DNM2: variants seen among roughly 807,000 people sequenced by gnomAD.
DNM2 encodes dynamin 2.
A neutral mutation model predicts 99.0 loss-of-function variants in DNM2; 15 were observed. The ratio of observed to expected loss-of-function variants is 0.15; its 90% CI spans 0.10 to 0.23. The LOEUF (loss-of-function observed/expected upper bound fraction) is 0.23, where lower values mean the gene tolerates loss of function less well. DNM2 is among the 10% of genes least tolerant of loss of function. The pLI is 1.00. For missense variants in DNM2, 742 were observed against 1,189.4 expected, an observed-to-expected ratio of 0.62 and a Z score of 5.53; for synonymous variants, 525 against 481.2, an observed-to-expected ratio of 1.09 and a Z score of -1.19.
intron 7 of DNM2, among the ~76,000 whole-genome samples, chr19:10,793,442 G>A (rs150655140): frequency 6.6e-6 from 1 of 152,298 alleles, no homozygotes; most frequent in African/African-American, 2.4e-5. Flanking sequence ...TTTGACCCCT[G>A]AACTTCACTC....
At chr19:10,763,248 G>A (rs949920919) in intron 2 of DNM2, 4 of 152,204 alleles carry the variant, frequency 2.6e-5, no homozygotes, top group Non-Finnish European at 5.9e-5. Flanking sequence ...GCTAATTTTT[G>A]TATTTTTAGT....
intron 2 of DNM2, among the ~76,000 whole-genome samples, chr19:10,760,176 G>A (rs916275362): frequency 6.6e-6 from 1 of 151,546 alleles, no homozygotes; most frequent in Non-Finnish European, 1.5e-5. Context: ...TGGGATTACA[G>A]GTGTGACCCT....
chr19:10,811,940 C>G lies in DNM2; in HGVS notation c.1558-324C>G. ...AACAAGTGCAGTTCCTCAGATGTCA[C>G]ATTTCATGTGCCACAGCCCCACACA... On this transcript the variant is annotated intron_variant, in intron 14 of 20. Coordinates refer to ENST00000389253, the MANE Select transcript of DNM2 (RefSeq NM_001005361.3). This position sits in a 1 kb window ranked among gnomAD's most constrained non-coding sequence, Gnocchi z 5.4. 2 of 457,398 alleles carry G rather than the reference C, an allele frequency of 4.4e-6. No individual in the cohort carries two copies. The highest frequency in any genetic ancestry group is 8.7e-6 in the Non-Finnish European group (2 of 228,834). 28.3% of individuals were successfully genotyped at this position (457,398 alleles called of 1,614,324 possible). A position where few individuals can be genotyped will look rare whatever the true frequency, so the allele number is the denominator to read the frequency against.
chr19:10,828,271 ACT>A (rs989117944), intron 18 of DNM2, among the ~76,000 whole-genome samples: 1 of 141,686 alleles, frequency 7.1e-6, no homozygotes, highest in Non-Finnish European at 1.5e-5. Flanking sequence ...ACAGAGTGAG[ACT>A]CTGTCACAAA....
At chr19:10,740,652 C>T (rs1453718026) in intron 1 of DNM2, among the ~76,000 whole-genome samples, 1 of 152,246 alleles carries the variant, frequency 6.6e-6, no homozygotes, top group Non-Finnish European at 1.5e-5. Context: ...GTGGGGATTA[C>T]AGGCGTAAGC....
chr19:10,789,935 T>G (rs1366751776), intron 7 of DNM2, among the ~76,000 whole-genome samples: 1 of 152,224 alleles, frequency 6.6e-6, no homozygotes, highest in African/African-American at 2.4e-5. Context: ...ACAGTCCCTG[T>G]CCCCCGGGGC....
At chr19:10,776,041 C>A (rs1201902686) in intron 4 of DNM2, 135 bp downstream of exon 4, 4 of 1,142,900 alleles carry the variant, frequency 3.5e-6, no homozygotes, top group Non-Finnish European at 5.0e-6. Context: ...TGGAACATGG[C>A]ACTTCCTCCG....
intron 5 of DNM2, among the ~76,000 whole-genome samples, chr19:10,782,272 G>A (rs2071403363): frequency 6.6e-6 from 1 of 152,116 alleles, no homozygotes. Context: ...GGGCTCAAGC[G>A]TTCCACCCGC....
intron 14 of DNM2, chr19:10,808,786 C>T (rs1011211545): frequency 3.9e-6 from 2 of 514,368 alleles, no homozygotes; most frequent in Non-Finnish European, 6.7e-6. Context: ...ACTAACTGGA[C>T]CGCCACCCTT....
At chr19:10,821,471 T>G (rs1229080805) in intron 16 of DNM2, among the ~76,000 whole-genome samples, 1 of 152,122 alleles carries the variant, frequency 6.6e-6, no homozygotes, top group Admixed American at 6.6e-5. Flanking sequence ...CCCTGCATGT[T>G]CCTCAGGATT....
rs777759224 is a variant in DNM2, at chr19:10,795,487, C to T, written c.1196+48C>T. The T allele has an allele frequency of 3.2e-5, 52 of 1,604,488 alleles. No individual in the cohort carries two copies. The highest frequency in any genetic ancestry group is 1.1e-4 in the East Asian group (5 of 44,754). ...CCACTGTTCCTTCCTCTCCGTGGTGCGACCCCCCAGCTAATTGGGTCACCC... is the reference window on the plus strand; with the variant it reads ...CCACTGTTCCTTCCTCTCCGTGGTGTGACCCCCCAGCTAATTGGGTCACCC... On this transcript the variant is annotated intron_variant, in intron 9 of 20. Transcript: ENST00000389253. This position sits in a 1 kb window ranked among gnomAD's most constrained non-coding sequence, Gnocchi z 4.2.
chr19:10,772,551 C>T lies in DNM2; in HGVS notation c.308C>T (p.Ala103Val). The T allele has an allele frequency of 6.2e-7, 1 of 1,614,174 alleles. No homozygotes were observed. Among genetic ancestry groups the T allele is most frequent in the East Asian group, 2.2e-5 (1 of 44,886 alleles). ...DFDEVRQEIE[A>V]ETDRVTGTNK... ...GATGAAGTCCGGCAGGAGATTGAAG[C>T]AGAGACCGACAGGGTCACGGGGACC... Residue 103 changes from alanine to valine, a missense_variant, in exon 3 of 21, where the codon GCA becomes GTA. Ala to Val is a moderately conservative substitution (Grantham distance 64, BLOSUM62 0). Transcript: ENST00000389253. The surrounding 1 kb of genome is among the most constrained non-coding windows in gnomAD (Gnocchi z 4.9).
At chr19:10,801,909 A>T (rs62131822) in intron 11 of DNM2, among the ~76,000 whole-genome samples, 1 of 89,048 alleles carries the variant, frequency 1.1e-5, no homozygotes, top group Non-Finnish European at 2.9e-5. Context: ...CGTCTCGAAG[A>T]AAAAAAAAAA....
intron 7 of DNM2, among the ~76,000 whole-genome samples, chr19:10,788,315 A>G (rs2071636854): frequency 6.6e-6 from 1 of 151,412 alleles, no homozygotes; most frequent in African/African-American, 2.4e-5. Flanking sequence ...TGTGGGATTA[A>G]GCCCGGCCAG....
intron 1 of DNM2, among the ~76,000 whole-genome samples, chr19:10,758,498 CTTCCTCCCTTTCCTCCCT>C (rs1162022986): frequency 9.4e-6 from 1 of 106,800 alleles, no homozygotes; most frequent in Non-Finnish European, 1.9e-5. Flanking sequence ...TCCTTCCTTC[CTTCCTCCCTTTCCTCCCT>C]TTCCTCCCTT....
chr19:10,753,672 C>T (rs2070282430), intron 1 of DNM2, among the ~76,000 whole-genome samples: 1 of 150,762 alleles, frequency 6.6e-6, no homozygotes, highest in South Asian at 2.1e-4. Flanking sequence ...GTTTTTTTCC[C>T]CCGAGACGGA....
chr19:10,779,502 C>CTTTTTTTTTTTTTTTTTTTTTTTTTT (rs55819116), intron 5 of DNM2, among the ~76,000 whole-genome samples: 10 of 29,602 alleles, frequency 3.4e-4, no homozygotes, highest in East Asian at 2.3e-3. Flanking sequence ...TTCTTTCTTT[C>CTTTTTTTTTTTTTTTTTTTTTTTTTT]TTTTTTTTTT....
At position 10,811,698 on chromosome 19, in the gene DNM2, C is replaced by T; in HGVS notation, c.1558-566C>T. ...GTCCCTGCGCAGGCCTGGGTTCTGA[C>T]CCCCACGCAGATGACAGCTACAGCC... is the stretch of plus-strand genomic sequence containing the variant. On this transcript the variant is annotated intron_variant, in intron 14 of 20. Coordinates refer to ENST00000389253, the MANE Select transcript of DNM2 (RefSeq NM_001005361.3). The surrounding 1 kb of genome is among the most constrained non-coding windows in gnomAD (Gnocchi z 5.4). 1 of 517,706 alleles carries T rather than the reference C, an allele frequency of 1.9e-6. No individual in the cohort carries two copies. The highest frequency in any genetic ancestry group is 1.9e-5 in the Admixed American group (1 of 51,420). 32.1% of individuals were successfully genotyped at this position (517,706 alleles called of 1,614,324 possible).
In DNM2 at chr19:10,730,523, T is replaced by C. The variant is rs116486533; in HGVS notation, c.161+12120T>C. On this transcript the variant is annotated intron_variant, in intron 1 of 20. Coordinates refer to ENST00000389253, the MANE Select transcript of DNM2 (RefSeq NM_001005361.3). ...AAAACCAGAATGGAGTGAATTTCAC[T>C]GCACAGTCATGGAGGGGACCAGGCA... 6.5e-3 allele frequency among the ~76,000 whole-genome samples: 978 copies of C among 151,006 alleles called. 20 individuals are homozygous for C. The highest frequency in any genetic ancestry group is 0.023 in the African/African-American group (930 of 41,204).
Sources: allele counts gnomAD v4.1 joint callset (sites outside exome capture counted in the v4.1 genomes callset), GRCh38; gene constraint gnomAD v4.1.1; non-coding constraint Gnocchi (gnomAD v3.1); transcripts MANE v1.5; gene names NCBI Gene and HGNC (gene_info 2026-07-23, HGNC 2026-07-21).